The following TMEM131L variants were observed in gnomAD, a reference collection of about 807,000 sequenced individuals.
TMEM131L encodes the protein transmembrane 131 like, also known as transmembrane protein 131-like.
A neutral mutation model predicts 192.2 loss-of-function variants in TMEM131L; 54 were observed. The observed-to-expected ratio is 0.28, with a 90% CI of 0.23 to 0.35. The LOEUF (loss-of-function observed/expected upper bound fraction) is 0.35, where lower values mean the gene tolerates loss of function less well. Among genes scored for constraint, TMEM131L ranks in the 10% least tolerant of loss-of-function variants. The pLI is 1.00. For missense variants in TMEM131L, 1,888 were observed against 1,972.9 expected, an observed-to-expected ratio of 0.96 and a Z score of 0.82; for synonymous variants, 701 against 704.9, an observed-to-expected ratio of 0.99 and a Z score of 0.09.
At chr4:153,480,034 G>A (rs938800123) in intron 3 of TMEM131L, among the ~76,000 whole-genome samples, 36 of 152,148 alleles carry the variant, frequency 2.4e-4, no homozygotes, top group African/African-American at 8.4e-4. Context: ...GTGAAACACC[G>A]TCTCTACTAA....
At chr4:153,594,354 C>A (rs1045188355) in intron 19 of TMEM131L, among the ~76,000 whole-genome samples, 6 of 152,202 alleles carry the variant, frequency 3.9e-5, no homozygotes, top group Non-Finnish European at 8.8e-5. Context: ...TGTGGGCAGT[C>A]ATGAGGTCTT....
At chr4:153,540,465 A>T (rs542814616) in intron 3 of TMEM131L, among the ~76,000 whole-genome samples, 1 of 152,278 alleles carries the variant, frequency 6.6e-6, no homozygotes, top group East Asian at 1.9e-4. Flanking sequence ...GTGGATACTT[A>T]AAGTACTGTG....
chr4:153,536,635 C>T (rs1397942861), intron 3 of TMEM131L, among the ~76,000 whole-genome samples: 4 of 152,168 alleles, frequency 2.6e-5, no homozygotes, highest in African/African-American at 9.7e-5. Context: ...GGGTCTGTGT[C>T]AGTCAGATTC....
At chr4:153,625,711 C>T (rs1280380986) in intron 29 of TMEM131L, among the ~76,000 whole-genome samples, 2 of 152,070 alleles carry the variant, frequency 1.3e-5, no homozygotes, top group Non-Finnish European at 2.9e-5. Context: ...AGTTCAAGAT[C>T]ACCCTGGCCA....
chr4:153,553,844 G>A (rs541087457), intron 4 of TMEM131L, among the ~76,000 whole-genome samples: 116 of 152,280 alleles, frequency 7.6e-4, no homozygotes, highest in African/African-American at 2.8e-3. Context: ...AATTAACAGA[G>A]TATCTTCCAG....
At chr4:153,590,644 G>T (rs1731001793) in intron 16 of TMEM131L, among the ~76,000 whole-genome samples, 1 of 152,012 alleles carries the variant, frequency 6.6e-6, no homozygotes, top group South Asian at 2.1e-4. Context: ...TGATTATTTT[G>T]TTCATTCTAC....
At chr4:153,468,341 G>T (rs1730913274) in intron 2 of TMEM131L, among the ~76,000 whole-genome samples, 1 of 152,112 alleles carries the variant, frequency 6.6e-6, no homozygotes, top group Non-Finnish European at 1.5e-5. Flanking sequence ...CTCCTTGAAG[G>T]CCAGCAGCCT....
chr4:153,559,241 T>C (rs548053864), intron 7 of TMEM131L, among the ~76,000 whole-genome samples: 1 of 152,358 alleles, frequency 6.6e-6, no homozygotes, highest in South Asian at 2.1e-4. Context: ...CTGGAATCTT[T>C]ATCACCAAGT....
chr4:153,615,836 C>T (rs1206203401), intron 26 of TMEM131L, among the ~76,000 whole-genome samples: 3 of 152,206 alleles, frequency 2.0e-5, no homozygotes, highest in African/African-American at 7.2e-5. Flanking sequence ...CTGGCCTCCA[C>T]CTGCCACATG....
chr4:153,634,495 G>A (rs1734436536), intron 33 of TMEM131L, among the ~76,000 whole-genome samples: 1 of 152,102 alleles, frequency 6.6e-6, no homozygotes, highest in Non-Finnish European at 1.5e-5. Flanking sequence ...TTGGGTGTCT[G>A]GGGGCTTCAA....
chr4:153,554,558 A>T (rs924547993), intron 4 of TMEM131L, among the ~76,000 whole-genome samples: 7 of 152,226 alleles, frequency 4.6e-5, no homozygotes, highest in African/African-American at 1.4e-4. Context: ...TACATTTTTA[A>T]TATCAAAGAT....
At chr4:153,545,105 G>C (rs1580180714) in intron 3 of TMEM131L, among the ~76,000 whole-genome samples, 1 of 152,142 alleles carries the variant, frequency 6.6e-6, no homozygotes, top group East Asian at 1.9e-4. Flanking sequence ...AATTTTCCTA[G>C]GCATAAGAAA....
chr4:153,522,645 C>T (rs550741638), intron 3 of TMEM131L, among the ~76,000 whole-genome samples: 125 of 152,318 alleles, frequency 8.2e-4, no homozygotes, highest in Non-Finnish European at 1.2e-3. Flanking sequence ...TCAGTTATTT[C>T]TTATTTTTTA....
intron 4 of TMEM131L, among the ~76,000 whole-genome samples, chr4:153,551,279 C>T (rs182562411): frequency 6.6e-6 from 1 of 152,170 alleles, no homozygotes; most frequent in East Asian, 1.9e-4. Context: ...GGTGTGCCCT[C>T]CTTTATGCAT....
Position 153,466,425 on chromosome 4 carries a change from G to C in TMEM131L, c.28G>C (p.Gly10Arg). 7.2e-7 allele frequency: 1 copy of C among 1,388,696 alleles called. No individual in the cohort carries two copies. Among genetic ancestry groups the C allele is most frequent in the African/African-American group, 1.5e-5 (1 of 67,504 alleles). The allele number at this position is 1,388,696 out of a possible 1,614,324, so 86.0% of individuals were successfully genotyped here. The change falls in exon 1 of 35, where the codon GGC (glycine) becomes CGC (arginine). Residue 10 changes from glycine (G) to arginine (R), a missense_variant. Physicochemically the swap from Gly to Arg is moderately radical, Grantham distance 125. Coordinates refer to ENST00000409959, the MANE Select transcript of TMEM131L (RefSeq NM_001131007.2). MAGLRRPQP[G>R]CYCRTAAAVN... ...GGCGGGGCTCCGACGCCCGCAGCCC[G>C]GCTGCTACTGCCGCACCGCGGCGGC...
At chr4:153,589,549 A>G (rs1341427581) in intron 16 of TMEM131L, among the ~76,000 whole-genome samples, 1 of 152,206 alleles carries the variant, frequency 6.6e-6, no homozygotes, top group Non-Finnish European at 1.5e-5. Context: ...TACTGTGTGT[A>G]ATATAAAAGT....
chr4:153,506,021 T>C (rs537229644), intron 3 of TMEM131L, among the ~76,000 whole-genome samples: 40 of 152,276 alleles, frequency 2.6e-4, no homozygotes, highest in African/African-American at 8.9e-4. Context: ...GTAAAAAAGA[T>C]CAGAGGGAAG....
chr4:153,603,511 C>A, intron 24 of TMEM131L, 59 bp downstream of exon 24: 2 of 1,502,966 alleles, frequency 1.3e-6, no homozygotes, highest in Admixed American at 2.2e-5. Context: ...TGATATTACT[C>A]ATTTCTGATT....
intron 7 of TMEM131L, among the ~76,000 whole-genome samples, chr4:153,561,446 C>A (rs1467928207): frequency 6.6e-6 from 1 of 151,998 alleles, no homozygotes; most frequent in African/African-American, 2.4e-5. Context: ...TCTAAAAAGG[C>A]CTAATGTTGT....
Sources: gnomAD v4.1 joint callset for allele counts (sites outside exome capture counted in the v4.1 genomes callset) on GRCh38, gnomAD v4.1.1 for gene constraint, MANE v1.5 for transcripts, NCBI Gene and HGNC (gene_info 2026-07-23, HGNC 2026-07-21) for gene names.